The following MYO3B variants were observed in gnomAD, a reference collection of about 807,000 sequenced individuals.
MYO3B encodes myosin IIIB, also known as myosin-IIIb.
Under a neutral mutation model 174.6 loss-of-function variants are expected in MYO3B, and 156 were observed. The observed-to-expected ratio is 0.89, with a 90% CI of 0.78 to 1.02. The LOEUF (loss-of-function observed/expected upper bound fraction) is 1.02, where lower values mean the gene tolerates loss of function less well. Among genes scored for constraint, MYO3B ranks in the 50% least tolerant of loss-of-function variants. The probability of loss-of-function intolerance (pLI) is 0.00; values close to 1 mark genes in which losing one functional copy is unlikely to be tolerated. For missense variants in MYO3B, 1,632 were observed against 1,639.4 expected, an observed-to-expected ratio of 1.00 and a Z score of 0.08; for synonymous variants, 563 against 569.1, an observed-to-expected ratio of 0.99 and a Z score of 0.15.
rs548973096 is a variant in MYO3B, at chr2:170,202,434, A to T, written c.321+2150A>T. Reference sequence around the variant, plus strand: ...GTGCCTCCAATAGTCTTAGGGAAACACAGGAATTCCTAGACTCCTAATACT... The same window carrying T: ...GTGCCTCCAATAGTCTTAGGGAAACTCAGGAATTCCTAGACTCCTAATACT... On this transcript the variant is annotated intron_variant, in intron 3 of 34. Coordinates refer to ENST00000408978, the MANE Select transcript of MYO3B (RefSeq NM_138995.5). Among the ~76,000 whole-genome samples, 56 of 152,266 alleles carry T rather than the reference A, an allele frequency of 3.7e-4. No homozygotes were observed. In the South Asian group the frequency reaches 0.011, roughly 31 times the overall value.
At chr2:170,394,858 T>C (rs2094435052) in intron 16 of MYO3B, among the ~76,000 whole-genome samples, 2 of 152,202 alleles carry the variant, frequency 1.3e-5, no homozygotes, top group African/African-American at 4.8e-5. Flanking sequence ...AAAGATCCAG[T>C]TGAAGGTAGT....
At chr2:170,452,345 C>T (rs990806348) in intron 23 of MYO3B, among the ~76,000 whole-genome samples, 3 of 152,100 alleles carry the variant, frequency 2.0e-5, no homozygotes, top group Non-Finnish European at 4.4e-5. Flanking sequence ...TGTTTTTCCC[C>T]AGGAGTCCAG....
chr2:170,497,354 C>T (rs182890922), intron 25 of MYO3B, among the ~76,000 whole-genome samples: 7 of 152,344 alleles, frequency 4.6e-5, no homozygotes, highest in Admixed American at 3.3e-4. Context: ...CGGTGGCTCA[C>T]GCCTGTAATC....
At chr2:170,623,393 A>G (rs1437596941) in intron 32 of MYO3B, among the ~76,000 whole-genome samples, 3 of 152,130 alleles carry the variant, frequency 2.0e-5, no homozygotes, top group Non-Finnish European at 2.9e-5. Context: ...GTCTGTTCAT[A>G]TACTTTGCAC....
chr2:170,253,628 G>A (rs192044263), intron 7 of MYO3B, among the ~76,000 whole-genome samples: 10 of 152,192 alleles, frequency 6.6e-5, no homozygotes, highest in Admixed American at 2.6e-4. Context: ...TAAAGAAGAC[G>A]AGAGCTCCTG....
At chr2:170,634,344 C>A (rs1697279393) in intron 32 of MYO3B, among the ~76,000 whole-genome samples, 1 of 152,108 alleles carries the variant, frequency 6.6e-6, no homozygotes, top group Non-Finnish European at 1.5e-5. Flanking sequence ...CTTTGATAAA[C>A]CTAACAAAAA....
intron 32 of MYO3B, among the ~76,000 whole-genome samples, chr2:170,584,834 C>G (rs1198331040): frequency 6.6e-6 from 1 of 152,192 alleles, no homozygotes; most frequent in Admixed American, 6.5e-5. Context: ...TGATTCTAAC[C>G]CATAGGAGAA....
chr2:170,215,315 G>A (rs1445410282), intron 5 of MYO3B, among the ~76,000 whole-genome samples: 1 of 152,162 alleles, frequency 6.6e-6, no homozygotes, highest in Non-Finnish European at 1.5e-5. Context: ...ATGTGAGGCT[G>A]GTTGAACTGG....
At chr2:170,459,953 C>G (rs1331550888) in intron 23 of MYO3B, among the ~76,000 whole-genome samples, 1 of 152,182 alleles carries the variant, frequency 6.6e-6, no homozygotes, top group African/African-American at 2.4e-5. Context: ...CCACCCGGAA[C>G]TCATGCTGGC....
chr2:170,458,250 A>G (rs1352754277), intron 23 of MYO3B, among the ~76,000 whole-genome samples: 1 of 152,240 alleles, frequency 6.6e-6, no homozygotes, highest in Non-Finnish European at 1.5e-5. Flanking sequence ...CAACATTACT[A>G]GGCAATGGGA....
At chr2:170,632,373 T>G (rs1281515376) in intron 32 of MYO3B, among the ~76,000 whole-genome samples, 1 of 152,144 alleles carries the variant, frequency 6.6e-6, no homozygotes, top group African/African-American at 2.4e-5. Context: ...TGCTCCTGAA[T>G]GACTACTGGG....
chr2:170,564,801 A>T (rs1013606799), intron 32 of MYO3B, among the ~76,000 whole-genome samples: 2 of 152,168 alleles, frequency 1.3e-5, no homozygotes, highest in African/African-American at 2.4e-5. Flanking sequence ...ACTGTTAAAA[A>T]TTACATTTAC....
intron 1 of MYO3B, among the ~76,000 whole-genome samples, chr2:170,196,529 G>A (rs1450640245): frequency 6.6e-6 from 1 of 152,170 alleles, no homozygotes; most frequent in Non-Finnish European, 1.5e-5. Context: ...AAAGCCTAGT[G>A]TTGAGTAATA....
At chr2:170,299,668 A>G (rs902265440) in intron 7 of MYO3B, among the ~76,000 whole-genome samples, 2 of 152,238 alleles carry the variant, frequency 1.3e-5, no homozygotes, top group Non-Finnish European at 2.9e-5. Context: ...TGTAACTGGC[A>G]AATGGCAGGG....
At chr2:170,465,242 C>G (rs1047660682) in intron 24 of MYO3B, among the ~76,000 whole-genome samples, 1 of 152,056 alleles carries the variant, frequency 6.6e-6, no homozygotes, top group Non-Finnish European at 1.5e-5. Flanking sequence ...AAGCCTGGCA[C>G]CAGCATCTAC....
intron 32 of MYO3B, among the ~76,000 whole-genome samples, chr2:170,631,692 T>TAACA (rs1246711799): frequency 6.6e-6 from 1 of 151,982 alleles, no homozygotes; most frequent in Non-Finnish European, 1.5e-5. Flanking sequence ...CCCATCAGAC[T>TAACA]AACAGTGGAT....
At chr2:170,559,246 A>G (rs1691551005) in intron 32 of MYO3B, among the ~76,000 whole-genome samples, 1 of 152,178 alleles carries the variant, frequency 6.6e-6, no homozygotes, top group Non-Finnish European at 1.5e-5. Context: ...GGCTATTCTT[A>G]AGGGCTCATT....
Position 170,401,674 on chromosome 2 carries a change from G to A in MYO3B, c.2112G>A (p.Gln704=), listed in dbSNP as rs1433088040. The A allele has an allele frequency of 1.2e-6, 2 of 1,613,730 alleles. No homozygotes were observed. Among genetic ancestry groups the A allele is most frequent in the African/African-American group, 1.3e-5 (1 of 74,918 alleles). The change falls in exon 18 of 35, where the codon CAG becomes CAA. Residue 704 remains glutamine, a synonymous_variant. Coordinates refer to ENST00000408978, the MANE Select transcript of MYO3B (RefSeq NM_138995.5). ...WIVNRINTLL[Q]PDENICSAGG... ...TGAATCGCATTAATACACTCCTGCA[G>A]CCAGACGAAAACATATGGCAAGTTC...
At position 170,405,616 on chromosome 2, in the gene MYO3B, C is replaced by T; in HGVS notation, c.2503C>T (p.Gln835Ter). Residue 835 changes from glutamine (Q) to a stop codon, truncating the protein, a stop_gained, in exon 21 of 35, where the codon CAG becomes TAG. Transcript: ENST00000408978. LOFTEE classifies it high-confidence loss of function. ...AGGAGTGGAACTGTGCTTTGGCATT[C>T]AGCATTATGCTGGAAAGGTGAGGCC... is the stretch of plus-strand genomic sequence containing the variant. Reference protein sequence around the residue: ...PKGVELCFGIQHYAGKVLYDA... With the variant: ...PKGVELCFGI 6.2e-7 allele frequency: 1 copy of T among 1,614,144 alleles called. No homozygotes were observed. Among genetic ancestry groups the T allele is most frequent in the Non-Finnish European group, 8.5e-7 (1 of 1,180,000 alleles).
Sources: allele counts gnomAD v4.1 joint callset (sites outside exome capture counted in the v4.1 genomes callset), GRCh38; gene constraint gnomAD v4.1.1; transcripts MANE v1.5; gene names NCBI Gene and HGNC (gene_info 2026-07-23, HGNC 2026-07-21).